Variants in CHST3 observed in about 807,000 individuals in gnomAD.
CHST3 encodes the protein carbohydrate sulfotransferase 3.
In CHST3, 20 loss-of-function variants were observed where a neutral mutation model predicts 35.4. The ratio of observed to expected loss-of-function variants is 0.57; its 90% CI spans 0.40 to 0.82. CHST3 has a LOEUF of 0.82. Ranked by LOEUF, CHST3 falls within the 40% of genes least tolerant of loss-of-function variation. CHST3 has a pLI of 0.00. For synonymous variants in CHST3, 334 were observed against 295.9 expected (o/e 1.13, Z -1.32); for missense variants, 693 against 670.1 (o/e 1.03, Z -0.38).
intron 1 of CHST3, among the ~76,000 whole-genome samples, chr10:71,997,085 A>G (rs956134686): frequency 6.6e-6 from 1 of 151,946 alleles, no homozygotes; most frequent in Non-Finnish European, 1.5e-5. Context: ...CGTTTTAACT[A>G]TTTTCAAGTG....
Position 71,973,480 on chromosome 10 carries a change from A to G in CHST3, c.-108+8786A>G, listed in dbSNP as rs534150978. Among the ~76,000 whole-genome samples, 37 of 152,342 alleles carry G rather than the reference A, an allele frequency of 2.4e-4. No individual in the cohort carries two copies. In the East Asian group the frequency reaches 6.8e-3, roughly 28 times the overall value. On this transcript the variant is annotated intron_variant, in intron 1 of 2. Coordinates refer to ENST00000373115, the MANE Select transcript of CHST3 (RefSeq NM_004273.5). ...TGAGTCGTTTCCCTGAGCAGAGAGA[A>G]GGAAGCCCTACTGGCCGGCTGCCTC...
rs779698260 is a variant in CHST3 at position 72,008,445 on chromosome 10, G to A, written c.1414G>A (p.Glu472Lys). ...CAACCGCTCAGTCAGCCTGCTGGAG[G>A]AGAGGGGCACCTTCTGGGTCACGTA... is the stretch of plus-strand genomic sequence containing the variant. ...LTNRSVSLLE[E>K]RGTFWVT The change falls in exon 3 of 3, where the codon GAG (glutamate) becomes AAG (lysine). Residue 472 changes from glutamate (E) to lysine (K), a missense_variant. Coordinates refer to ENST00000373115, the MANE Select transcript of CHST3 (RefSeq NM_004273.5). The A allele has an allele frequency of 1.0e-5, 16 of 1,565,078 alleles. No homozygotes were observed. The East Asian group carries it at 3.5e-4, about 34-fold the overall frequency.
Position 72,010,981 on chromosome 10 carries a change from C to G in CHST3, c.*2510C>G, listed in dbSNP as rs139186201. 6.6e-6 allele frequency: 1 copy of G among 152,326 alleles called. No homozygotes were observed. Among genetic ancestry groups the G allele is most frequent in the Admixed American group, 6.5e-5 (1 of 15,304 alleles). The allele number at this position is 152,326 out of a possible 1,614,324, so 9.4% of individuals were successfully genotyped here. A position where few individuals can be genotyped will look rare whatever the true frequency, so the allele number is the denominator to read the frequency against. ...CCAAGAATGGGCCTTTGGGACTTCT[C>G]AGGACATTGACAATGTGCACACTGC... is the stretch of plus-strand genomic sequence containing the variant. On this transcript the variant is annotated 3_prime_UTR_variant, in exon 3 of 3. Transcript: ENST00000373115.
At chr10:71,993,961 G>A (rs570666561) in intron 1 of CHST3, among the ~76,000 whole-genome samples, 70 of 152,248 alleles carry the variant, frequency 4.6e-4, no homozygotes, top group African/African-American at 1.4e-3. Flanking sequence ...TTAGCCAAGC[G>A]TGGTGGCGGG....
At position 72,010,515 on chromosome 10, in the gene CHST3, T is replaced by C. The variant is rs1348966173; in HGVS notation, c.*2044T>C. On this transcript the variant is annotated 3_prime_UTR_variant, in exon 3 of 3. Transcript: ENST00000373115. ...AGTAACCATCTCATGGGATTCGCTA[T>C]AATCAGCCTATTTGAGCTGCTGGGT... 3 of 152,232 alleles carry C rather than the reference T, an allele frequency of 2.0e-5. No homozygotes were observed. 9.4% of individuals were successfully genotyped at this position (152,232 alleles called of 1,614,324 possible). A position where few individuals can be genotyped will look rare whatever the true frequency, so the allele number is the denominator to read the frequency against.
At position 72,009,687 on chromosome 10, in the gene CHST3, G is replaced by C. The variant is rs1840088545; in HGVS notation, c.*1216G>C. The stretch of plus-strand genomic sequence containing the variant: ...TGAGAAGCCCGCCTTCTCCCTCGTG[G>C]ACAGGAGTCAGCCAGTTGGTTGCTG... On this transcript the variant is annotated 3_prime_UTR_variant, in exon 3 of 3. Coordinates refer to ENST00000373115, the MANE Select transcript of CHST3 (RefSeq NM_004273.5). 1 of 152,524 alleles carries C rather than the reference G, an allele frequency of 6.6e-6. No individual in the cohort carries two copies. Among genetic ancestry groups the C allele is most frequent in the African/African-American group, 2.4e-5 (1 of 41,452 alleles). The allele number at this position is 152,524 out of a possible 1,614,324, so 9.4% of individuals were successfully genotyped here.
chr10:71,996,455 T>C (rs1465188864), intron 1 of CHST3, among the ~76,000 whole-genome samples: 2 of 148,556 alleles, frequency 1.3e-5, no homozygotes, highest in African/African-American at 5.0e-5. Context: ...TCTCTGCGTG[T>C]GTGTGTGTGT....
intron 1 of CHST3, among the ~76,000 whole-genome samples, chr10:71,976,599 G>A (rs1020348144): frequency 1.3e-5 from 2 of 152,132 alleles, no homozygotes; most frequent in African/African-American, 4.8e-5. Context: ...CCCCTCCTCA[G>A]GCTCAGGCCC....
At position 72,008,160 on chromosome 10, in the gene CHST3, G is replaced by A. The variant is rs1483422482; in HGVS notation, c.1129G>A (p.Gly377Arg). 7.1e-6 allele frequency: 11 copies of A among 1,548,656 alleles called. No individual in the cohort carries two copies. Among genetic ancestry groups the A allele is most frequent in the Non-Finnish European group, 8.7e-6 (10 of 1,146,474 alleles). The change falls in exon 3 of 3, where the codon GGG (glycine) becomes AGG (arginine). Residue 377 changes from glycine to arginine, a missense_variant. By Grantham distance (125) the Gly-to-Arg change is moderately radical. Coordinates refer to ENST00000373115, the MANE Select transcript of CHST3 (RefSeq NM_004273.5). ...GGTGCGCTACGAGGACGTGGCACGC[G>A]GGCCGCTGCAGAAGGCCCGCGAGAT... is the stretch of plus-strand genomic sequence containing the variant. ...MLVRYEDVAR[G>R]PLQKAREMYR...
intron 1 of CHST3, among the ~76,000 whole-genome samples, chr10:71,971,471 G>A (rs1839694122): frequency 6.6e-6 from 1 of 152,106 alleles, no homozygotes; most frequent in Non-Finnish European, 1.5e-5. Context: ...CACATGCTGC[G>A]CCGATGCCCG....
At chr10:71,977,431 G>A (rs1473542468) in intron 1 of CHST3, among the ~76,000 whole-genome samples, 1 of 150,160 alleles carries the variant, frequency 6.7e-6, no homozygotes, top group East Asian at 2.0e-4. Flanking sequence ...CTGTATATTC[G>A]GAGTCCCCTA....
chr10:71,975,106 C>A (rs371732670), intron 1 of CHST3, among the ~76,000 whole-genome samples: 11 of 152,342 alleles, frequency 7.2e-5, no homozygotes, highest in African/African-American at 2.6e-4. Flanking sequence ...AGCTATGTGA[C>A]CAGCACTATG....
intron 1 of CHST3, among the ~76,000 whole-genome samples, chr10:71,985,782 C>T (rs1839842277): frequency 6.6e-6 from 1 of 152,152 alleles, no homozygotes; most frequent in Non-Finnish European, 1.5e-5. Flanking sequence ...CCTATGGTAA[C>T]ATTCTGTGAA....
At chr10:71,993,536 C>T (rs1839915646) in intron 1 of CHST3, among the ~76,000 whole-genome samples, 2 of 152,362 alleles carry the variant, frequency 1.3e-5, no homozygotes, top group African/African-American at 4.8e-5. Flanking sequence ...TTTTCACCTC[C>T]TCTCCTGAGT....
chr10:71,974,606 C>CTACAGCATACAGCATACAGCA (rs1839727633), intron 1 of CHST3, among the ~76,000 whole-genome samples: 1 of 152,162 alleles, frequency 6.6e-6, no homozygotes, highest in African/African-American at 2.4e-5. Flanking sequence ...GGACTGGAGG[C>CTACAGCATACAGCATACAGCA]TACAGCATAC....
At chr10:71,979,296 AC>A (rs1839777587) in intron 1 of CHST3, among the ~76,000 whole-genome samples, 1 of 151,994 alleles carries the variant, frequency 6.6e-6, no homozygotes, top group African/African-American at 2.4e-5. Flanking sequence ...GGAGGTGAGG[AC>A]CCAGGTTGCC....
In CHST3 at chr10:72,003,341, CTT is replaced by C. The variant is rs1413122775; in HGVS notation, c.-107-2394_-107-2393del. Among the ~76,000 whole-genome samples the C allele has an allele frequency of 5.3e-5, 8 of 152,088 alleles. No homozygotes were observed. In the East Asian group the frequency reaches 1.3e-3, roughly 26 times the overall value. On this transcript the variant is annotated intron_variant, in intron 1 of 2. Coordinates refer to ENST00000373115, the MANE Select transcript of CHST3 (RefSeq NM_004273.5). ...AAGGTAAATGCTCAGAAAATATTAA[CTT>C]AATAAGTTCATGAGAAAAGGCCCAG...
intron 1 of CHST3, among the ~76,000 whole-genome samples, chr10:71,984,558 C>T (rs886450605): frequency 6.6e-6 from 1 of 152,194 alleles, no homozygotes. Flanking sequence ...CAGCTGCTCC[C>T]TTCTGGCTAA....
At chr10:72,004,397 G>T (rs1034781319) in intron 1 of CHST3, among the ~76,000 whole-genome samples, 5 of 152,140 alleles carry the variant, frequency 3.3e-5, no homozygotes, top group Non-Finnish European at 1.5e-5. Flanking sequence ...TTTGTACAGT[G>T]GTGGGGCTGT....
Sources: gnomAD v4.1 joint callset for allele counts (sites outside exome capture counted in the v4.1 genomes callset) on GRCh38, gnomAD v4.1.1 for gene constraint, MANE v1.5 for transcripts, NCBI Gene and HGNC (gene_info 2026-07-23, HGNC 2026-07-21) for gene names.